Variants in TRPM3 observed in about 807,000 individuals in gnomAD.
TRPM3 encodes transient receptor potential cation channel subfamily M member 3.
A neutral mutation model predicts 181.2 loss-of-function variants in TRPM3; 77 were observed. The observed-to-expected ratio is 0.42, with a 90% CI of 0.35 to 0.51. TRPM3 has a LOEUF of 0.51. Among genes scored for constraint, TRPM3 ranks in the 20% least tolerant of loss-of-function variants. The probability of loss-of-function intolerance (pLI) is 0.01; values close to 1 mark genes in which losing one functional copy is unlikely to be tolerated. For missense variants in TRPM3, 1,759 were observed against 2,196.7 expected, an observed-to-expected ratio of 0.80 and a Z score of 3.98; for synonymous variants, 745 against 796.4, an observed-to-expected ratio of 0.94 and a Z score of 1.09.
intron 5 of TRPM3, among the ~76,000 whole-genome samples, chr9:70,842,134 T>C (rs1335336946): frequency 1.3e-5 from 2 of 152,122 alleles, no homozygotes; most frequent in African/African-American, 2.4e-5. Context: ...TTTTGAAACA[T>C]ACATTTTATT....
At chr9:71,278,513 TA>T in intron 1 of TRPM3, among the ~76,000 whole-genome samples, 1 of 152,330 alleles carries the variant, frequency 6.6e-6, no homozygotes, top group Admixed American at 6.5e-5. Context: ...AATAAAGTGT[TA>T]ATTTTCAAAG....
At chr9:71,035,728 A>C (rs1174878033) in intron 1 of TRPM3, among the ~76,000 whole-genome samples, 1 of 152,112 alleles carries the variant, frequency 6.6e-6, no homozygotes, top group Non-Finnish European at 1.5e-5. Context: ...AAAATAAATA[A>C]ATAAATAAAA....
At position 70,754,523 on chromosome 9, in the gene TRPM3, G is replaced by T. The variant is rs557364709; in HGVS notation, c.1272+7078C>A. ...GAGCAGAAAGTACAGCAGTATCTGT[G>T]TGAAGATGTCGTGAGGGGCTGCCCC... On this transcript the variant is annotated intron_variant, in intron 8 of 25. Coordinates refer to ENST00000677713, the MANE Select transcript of TRPM3 (RefSeq NM_001366145.2). Among the ~76,000 whole-genome samples, 7 of 152,272 alleles carry T rather than the reference G, an allele frequency of 4.6e-5. No homozygotes were observed. In the East Asian group the frequency reaches 1.2e-3, roughly 25 times the overall value.
rs538584258 is a variant in TRPM3, at chr9:70,537,248, C to G, written c.3865G>C (p.Glu1289Gln). 1.9e-6 allele frequency: 3 copies of G among 1,596,382 alleles called. No individual in the cohort carries two copies. The South Asian group carries it at 3.3e-5, about 18-fold the overall frequency. The change falls in exon 26 of 26, where the codon GAG (glutamate) becomes CAG (glutamine). Residue 1289 changes from glutamate to glutamine, a missense_variant. Physicochemically the swap from Glu to Gln is conservative, Grantham distance 29 (BLOSUM62 2). Transcript: ENST00000677713. ...GTCCTCGAGCGGATTTTGTTGGACT[C>G]GGCCCGCTCCAGACCTGTCAGGCGC... ...LERLTGLERA[E>Q]SNKIRSRTSS...
At chr9:71,046,480 T>C (rs1301775721) in intron 1 of TRPM3, among the ~76,000 whole-genome samples, 1 of 152,190 alleles carries the variant, frequency 6.6e-6, no homozygotes, top group Non-Finnish European at 1.5e-5. Context: ...AGCAGGCCCA[T>C]AAAGTATCAA....
intron 1 of TRPM3, among the ~76,000 whole-genome samples, chr9:70,923,367 G>A (rs546682552): frequency 7.9e-5 from 12 of 152,200 alleles, no homozygotes; most frequent in East Asian, 1.9e-4. Flanking sequence ...GATAAAATCC[G>A]TCAAGATTAC....
At chr9:70,927,207 A>G (rs2096729237) in intron 1 of TRPM3, among the ~76,000 whole-genome samples, 1 of 152,194 alleles carries the variant, frequency 6.6e-6, no homozygotes, top group Non-Finnish European at 1.5e-5. Context: ...AGGAAGCTAG[A>G]GAATGTTATC....
At chr9:70,867,791 T>C (rs964066489) in intron 1 of TRPM3, among the ~76,000 whole-genome samples, 1 of 152,102 alleles carries the variant, frequency 6.6e-6, no homozygotes, top group African/African-American at 2.4e-5. Flanking sequence ...TTCAGGTCTT[T>C]AGTGTGAACA....
At chr9:70,664,496 G>T (rs2061541824) in intron 9 of TRPM3, among the ~76,000 whole-genome samples, 1 of 152,102 alleles carries the variant, frequency 6.6e-6, no homozygotes, top group African/African-American at 2.4e-5. Flanking sequence ...CTAGATACAG[G>T]TGCTCTATTT....
chr9:70,854,157 T>C lies in TRPM3; in HGVS notation c.463-7566A>G, dbSNP rs78901865. ...TTTTGGTTGTCAAGATCAGCAATTT[T>C]GACTGTCACTTGTGAGTCTATTAAT... On this transcript the variant is annotated intron_variant, in intron 3 of 25. Transcript: ENST00000677713. Among the ~76,000 whole-genome samples, 1,210 of 152,352 alleles carry C rather than the reference T, an allele frequency of 7.9e-3. 20 individuals are homozygous for C. The highest frequency in any genetic ancestry group is 0.028 in the African/African-American group (1,155 of 41,584).
intron 1 of TRPM3, among the ~76,000 whole-genome samples, chr9:71,441,361 A>G (rs1267503543): frequency 6.6e-6 from 1 of 152,192 alleles, no homozygotes; most frequent in Non-Finnish European, 1.5e-5. Context: ...CAACCTGTCA[A>G]GAAATGGTTT....
At position 70,805,513 on chromosome 9, in the gene TRPM3, G is replaced by A. The variant is rs1362255121; in HGVS notation, c.974-21234C>T. The stretch of plus-strand genomic sequence containing the variant: ...TGCGGCACTGCACTCCAACCTGGGC[G>A]ACAGAGCCAGACTCCATCTCGAAAA... On this transcript the variant is annotated intron_variant, in intron 6 of 25. Coordinates refer to ENST00000677713, the MANE Select transcript of TRPM3 (RefSeq NM_001366145.2). Among the ~76,000 whole-genome samples, 6 of 126,396 alleles carry A rather than the reference G, an allele frequency of 4.7e-5. No homozygotes were observed. In the South Asian group the frequency reaches 8.6e-4, roughly 18 times the overall value. 82.9% of individuals were successfully genotyped at this position (126,396 alleles called of 152,430 possible).
At chr9:70,639,254 A>C (rs1589653623) in intron 10 of TRPM3, 60 bp from the exon 11 acceptor site, 3 of 1,587,464 alleles carry the variant, frequency 1.9e-6, no homozygotes, top group East Asian at 4.5e-5. Flanking sequence ...GCAGTTCTTT[A>C]GTGTTCACTT....
chr9:71,147,600 C>T (rs897003101), intron 1 of TRPM3, among the ~76,000 whole-genome samples: 4 of 152,242 alleles, frequency 2.6e-5, no homozygotes, highest in Admixed American at 2.6e-4. Flanking sequence ...AAGAGATCTG[C>T]GTTGAGTACT....
rs2054422747 is a variant in TRPM3, at chr9:70,577,755, A to G, written c.3223+13276T>C. ...GATAATCTTAAATCCACAGGAAAGA[A>G]TCCAGTCTTTTAGTGCATGACCTGT... On this transcript the variant is annotated intron_variant, in intron 22 of 25. Coordinates refer to ENST00000677713, the MANE Select transcript of TRPM3 (RefSeq NM_001366145.2). Among the ~76,000 whole-genome samples the G allele has an allele frequency of 3.3e-5, 5 of 152,252 alleles. 1 individual carries two copies. In the South Asian group the frequency reaches 1.0e-3, roughly 32 times the overall value.
At chr9:71,143,913 G>A (rs530279839) in intron 1 of TRPM3, among the ~76,000 whole-genome samples, 1 of 152,170 alleles carries the variant, frequency 6.6e-6, no homozygotes, top group East Asian at 1.9e-4. Flanking sequence ...ATCTCATTGT[G>A]CTTTTGATTT....
At chr9:71,293,381 A>G (rs1400846784) in intron 1 of TRPM3, among the ~76,000 whole-genome samples, 1 of 151,878 alleles carries the variant, frequency 6.6e-6, no homozygotes, top group Non-Finnish European at 1.5e-5. Flanking sequence ...ATGCATAGAA[A>G]ACTTAAGCAT....
At chr9:70,615,119 C>T (rs2062586858) in intron 18 of TRPM3, among the ~76,000 whole-genome samples, 1 of 152,168 alleles carries the variant, frequency 6.6e-6, no homozygotes, top group South Asian at 2.1e-4. Context: ...GTCACCTGAG[C>T]AAAATTAATT....
At chr9:71,121,633 C>G, upstream of TRPM3, 1 of 1,184,004 alleles carries the variant, frequency 8.4e-7, no homozygotes, top group East Asian at 4.2e-5. Context: ...CGCGCTCCCT[C>G]TCCCGCTCTC....
Sources: gnomAD v4.1 joint callset for allele counts (sites outside exome capture counted in the v4.1 genomes callset) on GRCh38, gnomAD v4.1.1 for gene constraint, MANE v1.5 for transcripts, NCBI Gene and HGNC (gene_info 2026-07-23, HGNC 2026-07-21) for gene names.